The following ABCA12 variants were observed in gnomAD, a reference collection of about 807,000 sequenced individuals.
ABCA12 encodes glucosylceramide transporter ABCA12.
A neutral mutation model predicts 293.5 loss-of-function variants in ABCA12; 156 were observed. That is an observed-to-expected ratio of 0.53 (90% CI 0.47 to 0.61). The LOEUF (loss-of-function observed/expected upper bound fraction) is 0.61, where lower values mean the gene tolerates loss of function less well. Ranked by LOEUF, ABCA12 falls within the 20% of genes least tolerant of loss-of-function variation. ABCA12 has a pLI of 0.00. For synonymous variants in ABCA12, 1,063 were observed against 1,108.0 expected (o/e 0.96, Z 0.81); for missense variants, 2,797 against 3,090.2 (o/e 0.91, Z 2.25).
At chr2:215,052,607 T>G (rs1320180460) in intron 4 of ABCA12, 23 bp from the exon 5 acceptor site, 2 of 1,579,472 alleles carry the variant, frequency 1.3e-6, no homozygotes, top group Admixed American at 3.3e-5. Flanking sequence ...AAGGAACAGA[T>G]TAGCATTCCA....
intron 50 of ABCA12, among the ~76,000 whole-genome samples, chr2:214,939,532 T>C (rs895214086): frequency 6.6e-6 from 1 of 152,166 alleles, no homozygotes; most frequent in Admixed American, 6.5e-5. Context: ...GGGACAGCAC[T>C]GAATCTATAA....
In ABCA12 at chr2:214,987,625, G is replaced by A. The variant is rs752543769; in HGVS notation, c.3976+22C>T. 907 of 1,603,466 alleles carry A rather than the reference G, an allele frequency of 5.7e-4. 7 individuals carry two copies. The highest frequency in any genetic ancestry group is 7.8e-5 in the Non-Finnish European group (92 of 1,172,554). ...TATCATTTCTCTCATAACAAAGCACGCTGTTGACCGACTTGTCTTACTGGC... is the reference window on the plus strand; with the variant it reads ...TATCATTTCTCTCATAACAAAGCACACTGTTGACCGACTTGTCTTACTGGC... On this transcript the variant is annotated intron_variant, in intron 27 of 52. Coordinates refer to ENST00000272895, the MANE Select transcript of ABCA12 (RefSeq NM_173076.3).
chr2:214,932,745 A>AT lies in ABCA12; in HGVS notation c.7681-5dup, dbSNP rs1429564417. The AT allele has an allele frequency of 6.2e-7, 1 of 1,609,522 alleles. No homozygotes were observed. Among genetic ancestry groups the AT allele is most frequent in the Admixed American group, 1.7e-5 (1 of 59,920 alleles). On this transcript the variant is annotated splice_region_variant and splice_polypyrimidine_tract_variant and intron_variant, in intron 52 of 52. Coordinates refer to ENST00000272895, the MANE Select transcript of ABCA12 (RefSeq NM_173076.3). ...CTTTGGCAAAGTTGATGAAAACCTGATTTTTCAGGGAAAATAAAGCCATTA... is the reference window on the plus strand; with the variant it reads ...CTTTGGCAAAGTTGATGAAAACCTGATTTTTTCAGGGAAAATAAAGCCATTA...
chr2:215,124,015 C>T (rs951441956), intron 1 of ABCA12, among the ~76,000 whole-genome samples: 2 of 152,166 alleles, frequency 1.3e-5, no homozygotes, highest in African/African-American at 4.8e-5. Flanking sequence ...TGAGAACATA[C>T]AACGTTTGGT....
chr2:214,975,708 A>G, intron 34 of ABCA12, 77 bp downstream of exon 34: 7 of 1,576,830 alleles, frequency 4.4e-6, no homozygotes, highest in Admixed American at 3.3e-5. Context: ...TCCAGATCTC[A>G]TGGCCTTCAT....
chr2:215,034,469 A>G (rs1027250410), intron 8 of ABCA12, among the ~76,000 whole-genome samples: 2 of 152,264 alleles, frequency 1.3e-5, no homozygotes, highest in Non-Finnish European at 2.9e-5. Context: ...TTCCCACAGA[A>G]TAAGTGTGGA....
intron 39 of ABCA12, chr2:214,961,875 T>G (rs1438183493): frequency 6.6e-6 from 1 of 152,194 alleles, no homozygotes; most frequent in Non-Finnish European, 1.5e-5. Flanking sequence ...CTCAAGATCC[T>G]GTTGCTGGAA....
Position 215,075,730 on chromosome 2 carries a change from A to T in ABCA12, c.164-11511T>A, listed in dbSNP as rs1053405143. The T allele has an allele frequency of 3.8e-5, 22 of 580,854 alleles. 1 individual carries two copies. Among genetic ancestry groups the T allele is most frequent in the Admixed American group, 3.0e-4 (9 of 30,358 alleles). The allele number at this position is 580,854 out of a possible 1,614,324, so 36.0% of individuals were successfully genotyped here. ...TAAAAGTAATGAAATGGAGAAAACA[A>T]ATTTTAGTAATTACCCCAATAGAGG... On this transcript the variant is annotated intron_variant, in intron 2 of 52. Coordinates refer to ENST00000272895, the MANE Select transcript of ABCA12 (RefSeq NM_173076.3).
At chr2:214,948,114 A>G (rs1336568288) in intron 47 of ABCA12, among the ~76,000 whole-genome samples, 3 of 152,248 alleles carry the variant, frequency 2.0e-5, no homozygotes, top group African/African-American at 7.2e-5. Flanking sequence ...TTTCAAAAGT[A>G]GAAGAAACTG....
intron 29 of ABCA12, among the ~76,000 whole-genome samples, chr2:214,982,962 T>G (rs2105967358): frequency 6.6e-6 from 1 of 152,236 alleles, no homozygotes; most frequent in African/African-American, 2.4e-5. Flanking sequence ...AAAGGTGACA[T>G]TTTGGCACAG....
chr2:214,941,455 T>C lies in ABCA12; in HGVS notation c.7436+1470A>G, dbSNP rs550931546. Among the ~76,000 whole-genome samples the C allele has an allele frequency of 6.6e-5, 10 of 152,330 alleles. No individual in the cohort carries two copies. In the South Asian group the frequency reaches 2.1e-3, roughly 32 times the overall value. On this transcript the variant is annotated intron_variant, in intron 50 of 52. Coordinates refer to ENST00000272895, the MANE Select transcript of ABCA12 (RefSeq NM_173076.3). ...TTTCGGGTGGAGAGTTCTATAGATG[T>C]CTATTAGGTCCACTTGGTCCAGAGC...
At chr2:215,134,254 A>ACATATATACGTATATGTGTATATATG (rs1703126594) in intron 1 of ABCA12, among the ~76,000 whole-genome samples, 4 of 120,008 alleles carry the variant, frequency 3.3e-5, no homozygotes. Context: ...GTATATATGT[A>ACATATATACGTATATGTGTATATATG]TATATGTACA....
rs1326733134 is a variant in ABCA12 at position 214,954,012 on chromosome 2, C to T, written c.6489G>A (p.Gln2163=). The change falls in exon 44 of 53, where the codon CAG becomes CAA. Residue 2163 remains glutamine, a synonymous_variant. Transcript: ENST00000272895. Reference sequence around the variant, plus strand: ...ATGCTTTTAAGAAGTCTAGGACCGACTGTTGTTGAGAAAGTTCAATCAAAC... The same window carrying T: ...ATGCTTTTAAGAAGTCTAGGACCGATTGTTGTTGAGAAAGTTCAATCAAAC... The part of the protein sequence containing the change: ...GYGLIELSQQ[Q]SVLDFLKAYG... The T allele has an allele frequency of 1.2e-6, 2 of 1,614,064 alleles. No individual in the cohort carries two copies. The highest frequency in any genetic ancestry group is 1.7e-6 in the Non-Finnish European group (2 of 1,179,986).
intron 3 of ABCA12, among the ~76,000 whole-genome samples, chr2:215,061,855 T>C (rs1205598262): frequency 6.6e-6 from 1 of 152,046 alleles, no homozygotes; most frequent in Non-Finnish European, 1.5e-5. Flanking sequence ...TCTCATCTCA[T>C]GCAACCCCAT....
chr2:215,132,590 A>G (rs1230356467), intron 1 of ABCA12, among the ~76,000 whole-genome samples: 6 of 151,614 alleles, frequency 4.0e-5, no homozygotes, highest in Non-Finnish European at 8.8e-5. Context: ...TTTGTGTGAT[A>G]TATCTTTTTC....
intron 32 of ABCA12, 60 bp downstream of exon 32, chr2:214,978,744 C>T: frequency 6.4e-7 from 1 of 1,557,292 alleles, no homozygotes; most frequent in Non-Finnish European, 8.8e-7. Context: ...GCACATATTT[C>T]TTCAAAGGGA....
At chr2:214,976,985 C>T (rs112328270) in intron 33 of ABCA12, among the ~76,000 whole-genome samples, 3,173 of 152,216 alleles carry the variant, frequency 0.021, 66 homozygotes, top group Non-Finnish European at 0.033. Flanking sequence ...TTATGCAGCA[C>T]AAAAATCATG....
intron 28 of ABCA12, among the ~76,000 whole-genome samples, chr2:214,984,519 T>C (rs1481347924): frequency 1.3e-5 from 2 of 152,198 alleles, no homozygotes; most frequent in Non-Finnish European, 1.5e-5. Context: ...CCAGACTTCA[T>C]TATTCAGCTC....
intron 34 of ABCA12, among the ~76,000 whole-genome samples, chr2:214,975,087 C>G (rs564132218): frequency 1.3e-5 from 2 of 152,282 alleles, no homozygotes; most frequent in South Asian, 4.1e-4. Flanking sequence ...ACCTCAGACA[C>G]CCGAATTGCT....
Sources: gnomAD v4.1 joint callset for allele counts (sites outside exome capture counted in the v4.1 genomes callset) on GRCh38, gnomAD v4.1.1 for gene constraint, MANE v1.5 for transcripts, NCBI Gene and HGNC (gene_info 2026-07-23, HGNC 2026-07-21) for gene names.